The following DPYD variants were observed in gnomAD, a reference collection of about 807,000 sequenced individuals.
The protein encoded by DPYD is dihydropyrimidine dehydrogenase [NADP(+)].
Under a neutral mutation model 116.2 loss-of-function variants are expected in DPYD, and 109 were observed. The observed-to-expected ratio is 0.94, with a 90% CI of 0.80 to 1.10. The LOEUF is 1.10. Among genes scored for constraint, DPYD ranks in the 50% least tolerant of loss-of-function variants. The pLI, the probability that DPYD is intolerant of heterozygous loss-of-function variation, is 0.00. For synonymous variants in DPYD, 440 were observed against 432.0 expected (o/e 1.02, Z -0.23); for missense variants, 1,302 against 1,254.5 (o/e 1.04, Z -0.57).
intron 12 of DPYD, among the ~76,000 whole-genome samples, chr1:97,528,351 A>T (rs768400312): frequency 9.9e-5 from 15 of 152,152 alleles, no homozygotes; most frequent in Non-Finnish European, 2.1e-4. Flanking sequence ...ATTCCATTTT[A>T]CGCATTTCTT....
intron 16 of DPYD, among the ~76,000 whole-genome samples, chr1:97,311,955 A>G (rs1353834659): frequency 6.7e-6 from 1 of 150,290 alleles, no homozygotes; most frequent in Non-Finnish European, 1.5e-5. Flanking sequence ...GTTAAAGTGG[A>G]CAGAGAGGGT....
chr1:97,133,864 C>T (rs12026902), intron 20 of DPYD, among the ~76,000 whole-genome samples: 73,539 of 149,594 alleles, frequency 0.49, 18,286 homozygotes, highest in Middle Eastern at 0.63. Context: ...CCAGGTGTTA[C>T]GGCATGCGCC....
intron 3 of DPYD, among the ~76,000 whole-genome samples, chr1:97,806,805 G>A (rs1332959961): frequency 1.3e-5 from 2 of 151,908 alleles, no homozygotes; most frequent in East Asian, 3.9e-4. Context: ...AAAATCCTCT[G>A]TGCCTCACCT....
intron 20 of DPYD, among the ~76,000 whole-genome samples, chr1:97,178,618 A>G (rs577131436): frequency 7.8e-4 from 118 of 152,232 alleles, no homozygotes; most frequent in African/African-American, 2.7e-3. Context: ...TGGGGATTAC[A>G]ATTCAAGATG....
At chr1:97,913,092 T>A (rs1303171638) in intron 1 of DPYD, among the ~76,000 whole-genome samples, 1 of 152,150 alleles carries the variant, frequency 6.6e-6, no homozygotes, top group African/African-American at 2.4e-5. Context: ...AAAATGTAAA[T>A]TTGTTAATTC....
chr1:97,370,793 T>C (rs750281829), intron 16 of DPYD, among the ~76,000 whole-genome samples: 14 of 152,162 alleles, frequency 9.2e-5, no homozygotes, highest in African/African-American at 3.4e-4. Context: ...GGAGAGCAAG[T>C]GGCTTGATAA....
intron 20 of DPYD, among the ~76,000 whole-genome samples, chr1:97,109,124 T>C (rs1651399164): frequency 6.6e-6 from 1 of 152,114 alleles, no homozygotes; most frequent in South Asian, 2.1e-4. Flanking sequence ...ACCACAACTA[T>C]TTAAAATAGG....
chr1:97,604,213 G>T (rs771969972), intron 8 of DPYD, among the ~76,000 whole-genome samples: 6 of 152,086 alleles, frequency 3.9e-5, no homozygotes, highest in Non-Finnish European at 8.8e-5. Context: ...TGAGCTCTTG[G>T]CTCTGTTACT....
intron 3 of DPYD, among the ~76,000 whole-genome samples, chr1:97,760,095 G>A (rs962768272): frequency 6.6e-6 from 1 of 152,120 alleles, no homozygotes; most frequent in African/African-American, 2.4e-5. Flanking sequence ...ATGGGCAGAG[G>A]CATAGAATAT....
intron 14 of DPYD, among the ~76,000 whole-genome samples, chr1:97,441,319 G>A (rs1675783024): frequency 6.6e-6 from 1 of 151,890 alleles, no homozygotes; most frequent in Non-Finnish European, 1.5e-5. Context: ...ACTTCCTTCA[G>A]GGACTCTAAT....
chr1:97,082,216 G>A, intron 22 of DPYD, 114 bp downstream of exon 22: 1 of 1,265,244 alleles, frequency 7.9e-7, no homozygotes, highest in Non-Finnish European at 1.2e-6. Flanking sequence ...TTGCAGAAGA[G>A]CAATATTTGG....
chr1:97,761,307 A>G (rs187790087), intron 3 of DPYD, among the ~76,000 whole-genome samples: 146 of 152,316 alleles, frequency 9.6e-4, no homozygotes, highest in African/African-American at 3.4e-3. Context: ...AAAGTGAAAA[A>G]GGAGCAATCT....
Position 97,796,033 on chromosome 1 carries a change from A to T in DPYD, c.233+32081T>A, listed in dbSNP as rs1571371373. On this transcript the variant is annotated intron_variant, in intron 3 of 22. Transcript: ENST00000370192. The stretch of plus-strand genomic sequence containing the variant: ...TTAAAACTTGTATTGTACAGCTGAA[A>T]ATTCATTTGTACACATATCTCTTTT... 3.9e-5 allele frequency among the ~76,000 whole-genome samples: 6 copies of T among 152,028 alleles called. No individual in the cohort carries two copies. In the East Asian group the frequency reaches 1.2e-3, roughly 29 times the overall value.
At chr1:97,687,097 C>G (rs990855370) in intron 7 of DPYD, among the ~76,000 whole-genome samples, 1 of 152,050 alleles carries the variant, frequency 6.6e-6, no homozygotes, top group African/African-American at 2.4e-5. Context: ...ATGGTAAAAT[C>G]CCATCTGTAA....
intron 16 of DPYD, among the ~76,000 whole-genome samples, chr1:97,359,764 A>AT (rs1237331840): frequency 6.6e-6 from 1 of 152,198 alleles, no homozygotes; most frequent in Non-Finnish European, 1.5e-5. Context: ...ATGCTGAGAG[A>AT]TTTTGTCACC....
chr1:97,703,430 G>T (rs1387533549), intron 5 of DPYD, among the ~76,000 whole-genome samples: 1 of 151,820 alleles, frequency 6.6e-6, no homozygotes, highest in African/African-American at 2.4e-5. Context: ...GATGCTTTGA[G>T]GATTTAATGA....
At chr1:97,475,067 T>C (rs1677877617) in intron 13 of DPYD, among the ~76,000 whole-genome samples, 1 of 152,104 alleles carries the variant, frequency 6.6e-6, no homozygotes, top group African/African-American at 2.4e-5. Flanking sequence ...AACAGTATGG[T>C]TATGTTACAA....
At chr1:97,659,113 CA>C (rs1485551564) in intron 8 of DPYD, among the ~76,000 whole-genome samples, 1 of 152,124 alleles carries the variant, frequency 6.6e-6, no homozygotes, top group African/African-American at 2.4e-5. Flanking sequence ...TGTGCGCCCA[CA>C]ACTCTCTGGG....
intron 3 of DPYD, among the ~76,000 whole-genome samples, chr1:97,795,915 T>A (rs1200191963): frequency 6.6e-6 from 1 of 152,004 alleles, no homozygotes; most frequent in Non-Finnish European, 1.5e-5. Flanking sequence ...GTTACTGCTG[T>A]TATTTTGAAT....
Sources: gnomAD v4.1 joint callset for allele counts (sites outside exome capture counted in the v4.1 genomes callset) on GRCh38, gnomAD v4.1.1 for gene constraint, MANE v1.5 for transcripts, NCBI Gene and HGNC (gene_info 2026-07-23, HGNC 2026-07-21) for gene names.